PPP1R13B: variants seen among roughly 807,000 people sequenced by gnomAD.
The protein encoded by PPP1R13B is protein phosphatase 1 regulatory subunit 13B.
PPP1R13B carries 44 observed loss-of-function variants against 119.8 expected under a neutral mutation model. The ratio of observed to expected loss-of-function variants is 0.37; its 90% CI spans 0.29 to 0.47. The LOEUF is 0.47. PPP1R13B is among the 20% of genes least tolerant of loss of function. PPP1R13B has a pLI of 0.99. For missense variants in PPP1R13B, 1,227 were observed against 1,413.5 expected, an observed-to-expected ratio of 0.87 and a Z score of 2.12; for synonymous variants, 542 against 561.5, an observed-to-expected ratio of 0.97 and a Z score of 0.49.
intron 2 of PPP1R13B, among the ~76,000 whole-genome samples, chr14:103,796,280 C>T (rs1254390096): frequency 6.6e-6 from 1 of 151,672 alleles, no homozygotes; most frequent in African/African-American, 2.4e-5. Context: ...AAGACACTGT[C>T]TCAAAAATAA....
At chr14:103,793,024 A>G (rs574442057) in intron 2 of PPP1R13B, among the ~76,000 whole-genome samples, 1 of 150,530 alleles carries the variant, frequency 6.6e-6, no homozygotes, top group South Asian at 2.1e-4. Flanking sequence ...GTCAACTGAG[A>G]ATGCGCCACT....
At chr14:103,826,786 A>C (rs2086554027) in intron 1 of PPP1R13B, among the ~76,000 whole-genome samples, 1 of 151,570 alleles carries the variant, frequency 6.6e-6, no homozygotes, top group African/African-American at 2.4e-5. Context: ...AGGCGGGCAG[A>C]TCACAAGGTC....
chr14:103,844,069 C>A (rs1432850798), intron 1 of PPP1R13B, among the ~76,000 whole-genome samples: 3 of 151,696 alleles, frequency 2.0e-5, no homozygotes, highest in Non-Finnish European at 4.4e-5. Flanking sequence ...AAATTCGAGA[C>A]CAGCTTGAGC....
intron 3 of PPP1R13B, among the ~76,000 whole-genome samples, 195 bp downstream of exon 3, chr14:103,784,583 CAAAAAAAAAAAAAAAAA>C (rs546875688): frequency 1.7e-5 from 1 of 60,568 alleles, no homozygotes; most frequent in African/African-American, 6.4e-5. Flanking sequence ...ACTCTGTCTC[CAAAAAAAAAAAAAAAAA>C]AAAAAAAAAA....
At chr14:103,790,333 C>T (rs1036430381) in intron 2 of PPP1R13B, among the ~76,000 whole-genome samples, 3 of 151,874 alleles carry the variant, frequency 2.0e-5, no homozygotes, top group Non-Finnish European at 2.9e-5. Flanking sequence ...GAACCAAAAA[C>T]GTAAACAATC....
At chr14:103,792,169 C>T (rs1473444091) in intron 2 of PPP1R13B, among the ~76,000 whole-genome samples, 3 of 137,172 alleles carry the variant, frequency 2.2e-5, no homozygotes, top group African/African-American at 2.7e-5. Flanking sequence ...CTCTATTCAT[C>T]GTGTGTGTGT....
In PPP1R13B at chr14:103,740,635, A is replaced by G. The variant is rs1318759744; in HGVS notation, c.1823-42T>C. 1 of 1,459,936 alleles carries G rather than the reference A, an allele frequency of 6.8e-7. No individual in the cohort carries two copies. Among genetic ancestry groups the G allele is most frequent in the African/African-American group, 1.4e-5 (1 of 71,054 alleles). 90.4% of individuals were successfully genotyped at this position (1,459,936 alleles called of 1,614,324 possible). On this transcript the variant is annotated intron_variant, in intron 11 of 16. Transcript: ENST00000202556. This position sits in a 1 kb window ranked among gnomAD's most constrained non-coding sequence, Gnocchi z 4.6. Reference sequence around the variant, plus strand: ...GGACAGGCAATTTTGACCTCACTACAGAGATCTAGTCATACACACCTATGA... The same window carrying G: ...GGACAGGCAATTTTGACCTCACTACGGAGATCTAGTCATACACACCTATGA...
At chr14:103,776,182 G>GAGGGAGGGAGGA (rs2085185283) in intron 4 of PPP1R13B, among the ~76,000 whole-genome samples, 1 of 76,498 alleles carries the variant, frequency 1.3e-5, no homozygotes, top group East Asian at 3.7e-4. Flanking sequence ...GGGAGGGAGG[G>GAGGGAGGGAGGA]AGGGAGGAAG....
At chr14:103,772,798 T>C (rs371254311) in intron 4 of PPP1R13B, among the ~76,000 whole-genome samples, 15 of 151,912 alleles carry the variant, frequency 9.9e-5, no homozygotes, top group Non-Finnish European at 2.1e-4. Flanking sequence ...TCCCAAGTAG[T>C]TGGGATTACA....
chr14:103,826,960 G>A (rs1463446075), intron 1 of PPP1R13B, among the ~76,000 whole-genome samples: 9 of 150,710 alleles, frequency 6.0e-5, no homozygotes, highest in African/African-American at 1.7e-4. Context: ...TGCAGTGAGC[G>A]GAGATCATGC....
chr14:103,749,159 C>A lies in PPP1R13B; in HGVS notation c.969+635G>T, dbSNP rs1018887398. ...TTTCAAAGGTTAATACTCATTTTTTCAATGAGCATTTATTCAATGAGTATT... is the reference window on the plus strand; with the variant it reads ...TTTCAAAGGTTAATACTCATTTTTTAAATGAGCATTTATTCAATGAGTATT... On this transcript the variant is annotated intron_variant, in intron 8 of 16. Coordinates refer to ENST00000202556, the MANE Select transcript of PPP1R13B (RefSeq NM_015316.3). 4.6e-5 allele frequency among the ~76,000 whole-genome samples: 7 copies of A among 152,254 alleles called. No individual in the cohort carries two copies. In the South Asian group the frequency reaches 1.5e-3, roughly 32 times the overall value.
At chr14:103,777,816 A>AG (rs1421681363) in intron 4 of PPP1R13B, among the ~76,000 whole-genome samples, 6 of 149,118 alleles carry the variant, frequency 4.0e-5, no homozygotes, top group African/African-American at 1.5e-4. Flanking sequence ...AAAAAAAAAA[A>AG]CAGGGTCTTA....
intron 4 of PPP1R13B, among the ~76,000 whole-genome samples, chr14:103,761,924 C>T (rs183680563): frequency 1.1e-4 from 16 of 152,348 alleles, no homozygotes; most frequent in Non-Finnish European, 2.4e-4. Flanking sequence ...AATTTTGTGT[C>T]ATGCTTGGAT....
intron 14 of PPP1R13B, 45 bp from the exon 15 acceptor site, chr14:103,737,905 CCT>C: frequency 8.3e-6 from 13 of 1,575,156 alleles, no homozygotes; most frequent in Non-Finnish European, 1.1e-5. Flanking sequence ...CACTGCCTGT[CCT>C]GTAGGACGTG....
intron 1 of PPP1R13B, among the ~76,000 whole-genome samples, chr14:103,827,780 T>G (rs7159810): frequency 0.44 from 67,466 of 151,624 alleles, 15,503 homozygotes; most frequent in African/African-American, 0.56. Flanking sequence ...GAGGTTCATT[T>G]TTCCATTACA....
At chr14:103,744,799 G>A (rs7156697) in intron 9 of PPP1R13B, among the ~76,000 whole-genome samples, 61,547 of 152,020 alleles carry the variant, frequency 0.4, 12,620 homozygotes, top group African/African-American at 0.43. Context: ...TCCACCTCTG[G>A]GCTGAGCTGC....
rs760792658 is a variant in PPP1R13B, at chr14:103,819,715, C to T, written c.10-22197G>A. Among the ~76,000 whole-genome samples the T allele has an allele frequency of 1.4e-4, 22 of 151,826 alleles. 1 individual carries two copies. The highest frequency in any genetic ancestry group is 4.6e-4 in the Admixed American group (7 of 15,218). ...GTCATGCCCTAGAGAGAAAGCCTAC[C>T]ACACCTGCTGCCAAGGTCCCCAGAG... On this transcript the variant is annotated intron_variant, in intron 1 of 16. Transcript: ENST00000202556.
chr14:103,786,803 G>T (rs1408379197), intron 2 of PPP1R13B, among the ~76,000 whole-genome samples: 2 of 146,008 alleles, frequency 1.4e-5, no homozygotes, highest in Admixed American at 1.4e-4. Context: ...GGTCATGGTG[G>T]TGCACGCCTG....
chr14:103,789,280 A>AG (rs2085551928), intron 2 of PPP1R13B, among the ~76,000 whole-genome samples: 1 of 151,940 alleles, frequency 6.6e-6, no homozygotes, highest in Non-Finnish European at 1.5e-5. Context: ...GTGCACTGGC[A>AG]TGATCTCGGC....
Sources: gnomAD v4.1 joint callset for allele counts (sites outside exome capture counted in the v4.1 genomes callset) on GRCh38, gnomAD v4.1.1 for gene constraint, Gnocchi (gnomAD v3.1) non-coding constraint, MANE v1.5 for transcripts, NCBI Gene and HGNC (gene_info 2026-07-23, HGNC 2026-07-21) for gene names.